Variants in NRXN2 observed in about 807,000 individuals in gnomAD.
NRXN2 encodes the protein neurexin 2, also known as neurexin-2-beta.
In NRXN2, 29 loss-of-function variants were observed where a neutral mutation model predicts 128.8. The observed-to-expected ratio is 0.23, with a 90% CI of 0.17 to 0.31. The LOEUF (loss-of-function observed/expected upper bound fraction) is 0.31, where lower values mean the gene tolerates loss of function less well. Ranked by LOEUF, NRXN2 falls within the 10% of genes least tolerant of loss-of-function variation. NRXN2 has a pLI of 1.00. For missense variants in NRXN2, 1,881 were observed against 2,452.6 expected, an observed-to-expected ratio of 0.77 and a Z score of 4.92; for synonymous variants, 1,098 against 1,075.2, an observed-to-expected ratio of 1.02 and a Z score of -0.41.
chr11:64,715,135 TGAAA>T (rs1202070485), intron 1 of NRXN2, among the ~76,000 whole-genome samples: 1 of 151,940 alleles, frequency 6.6e-6, no homozygotes, highest in African/African-American at 2.4e-5. Context: ...TGGGGAGAAA[TGAAA>T]GAAAAGACAG....
intron 11 of NRXN2, among the ~76,000 whole-genome samples, chr11:64,655,655 T>TG (rs757524245): frequency 2.0e-5 from 3 of 151,968 alleles, no homozygotes; most frequent in Admixed American, 6.6e-5. Flanking sequence ...GCACCAGGAA[T>TG]GGGGGGTCCA....
chr11:64,629,882 G>A (rs1057213755), intron 19 of NRXN2, among the ~76,000 whole-genome samples: 3 of 151,992 alleles, frequency 2.0e-5, no homozygotes, highest in East Asian at 1.9e-4. Context: ...CTCTTCCTTC[G>A]TTAGATCTCC....
intron 22 of NRXN2, among the ~76,000 whole-genome samples, chr11:64,610,014 C>T (rs1565168096): frequency 6.6e-6 from 1 of 152,108 alleles, no homozygotes; most frequent in South Asian, 2.1e-4. Flanking sequence ...CACCCACCCA[C>T]AGCCCTCTGC....
intron 20 of NRXN2, among the ~76,000 whole-genome samples, chr11:64,624,173 C>T (rs560042800): frequency 8.3e-4 from 127 of 152,194 alleles, no homozygotes; most frequent in African/African-American, 3.0e-3. Flanking sequence ...GTTAGTGCCT[C>T]GTTAAAGATC....
At chr11:64,718,992 C>T (rs2057368680) in intron 1 of NRXN2, among the ~76,000 whole-genome samples, 1 of 152,150 alleles carries the variant, frequency 6.6e-6, no homozygotes, top group South Asian at 2.1e-4. Context: ...GTTACTCAGC[C>T]TCTCTGTGCT....
rs776546326 is a variant in NRXN2, at chr11:64,622,719, C to G, written c.4173+34G>C. 9 of 1,593,986 alleles carry G rather than the reference C, an allele frequency of 5.6e-6. No individual in the cohort carries two copies. The Admixed American group carries it at 1.3e-4, about 24-fold the overall frequency. On this transcript the variant is annotated intron_variant, in intron 21 of 22. Transcript: ENST00000265459. This position sits in a 1 kb window ranked among gnomAD's most constrained non-coding sequence, Gnocchi z 4.3. ...ATATCAACCCCATCCCCACCTATCC[C>G]TGCCCTAATCCACCAGCCAGAGTGG...
chr11:64,706,560 T>A (rs191322365), intron 2 of NRXN2, among the ~76,000 whole-genome samples: 16 of 152,262 alleles, frequency 1.1e-4, no homozygotes, highest in Admixed American at 7.2e-4. Flanking sequence ...CAATACACTG[T>A]ACCCAGTTAG....
rs2057133048 is a variant in NRXN2, at chr11:64,713,369, G to A, written c.331C>T (p.Arg111Cys). Residue 111 changes from arginine (R) to cysteine (C), a missense_variant, in exon 2 of 23, where the codon CGC becomes TGC. Coordinates refer to ENST00000265459, the MANE Select transcript of NRXN2 (RefSeq NM_015080.4). The part of the protein sequence containing the change: ...LQLDTPVADD[R>C]WHMVLLTRDA... ...CGGGTCAGCAGCACCATGTGCCAGC[G>A]GTCGTCGGCCACCGGCGTGTCCAGC... 2.1e-6 allele frequency: 3 copies of A among 1,442,006 alleles called. No individual in the cohort carries two copies. Among genetic ancestry groups the A allele is most frequent in the African/African-American group, 3.0e-5 (2 of 67,458 alleles). 89.3% of individuals were successfully genotyped at this position (1,442,006 alleles called of 1,614,324 possible). A position where few individuals can be genotyped will look rare whatever the true frequency, so the allele number is the denominator to read the frequency against.
chr11:64,670,663 C>T (rs1194117334), intron 7 of NRXN2, among the ~76,000 whole-genome samples: 1 of 152,170 alleles, frequency 6.6e-6, no homozygotes. Flanking sequence ...TGTAACCCCA[C>T]TAATCTGAAC....
Position 64,608,062 on chromosome 11 carries a change from TG to T in NRXN2, c.4272del (p.Ile1425LeufsTer7). 1.3e-6 allele frequency: 2 copies of T among 1,584,614 alleles called. No homozygotes were observed. Among genetic ancestry groups the T allele is most frequent in the East Asian group, 2.3e-5 (1 of 44,366 alleles). On this transcript the variant is annotated frameshift_variant, in exon 23 of 23. Transcript: ENST00000265459. LOFTEE classifies it low-confidence loss of function (END_TRUNC). ...GGGTCTAAGGAGTCCTCCGTGATAA[TG>T]GGCAATATTAACTCTCCTCCTAGAA... ...EPSTGGELILPIITEDSLDPP... is the reference protein window; with the variant it reads ...EPSTGGELILXIITEDSLDPP...
chr11:64,697,714 C>A, intron 3 of NRXN2, 61 bp downstream of exon 3: 1 of 1,603,166 alleles, frequency 6.2e-7, no homozygotes, highest in Non-Finnish European at 8.5e-7. Flanking sequence ...ACGACAGTCC[C>A]TCATGTAGGA....
In NRXN2 at chr11:64,635,271, G is replaced by A. The variant is rs148368187; in HGVS notation, c.3585C>T (p.Ile1195=). ...AAGGGTTGGGGCCCAGGGTCCTTAC[G>A]ATGTGCAGCTGCAGGTAGTCTCCAA... ...SGLGDYLQLH[I]DQGTVGVIFN... is the part of the protein sequence containing the mutation. Residue 1195 remains isoleucine, a splice_region_variant and synonymous_variant, in exon 18 of 23, where the codon ATC becomes ATT. Transcript: ENST00000265459. The surrounding 1 kb of genome is among the most constrained non-coding windows in gnomAD (Gnocchi z 4.8). 447 of 1,612,344 alleles carry A rather than the reference G, an allele frequency of 2.8e-4. 3 individuals are homozygous for A. The African/African-American group carries it at 4.9e-3, about 18-fold the overall frequency.
In NRXN2 at chr11:64,612,846, T is replaced by A. The variant is rs372088015; in HGVS notation, c.4253-4764A>T. Among the ~76,000 whole-genome samples the A allele has an allele frequency of 2.0e-3, 312 of 152,382 alleles. 9 individuals are homozygous for A. In the South Asian group the frequency reaches 0.062, roughly 30 times the overall value. On this transcript the variant is annotated intron_variant, in intron 22 of 22. Transcript: ENST00000265459. ...ATGGGGGTTAGAAAACACAGTTCTA[T>A]GCGGACGTGACCCTGTGGTGCATGA...
chr11:64,653,841 A>G (rs2047865643), intron 11 of NRXN2, 119 bp from the exon 12 acceptor site: 1 of 733,312 alleles, frequency 1.4e-6, no homozygotes, highest in African/African-American at 1.8e-5. Flanking sequence ...CCCCAGGGCC[A>G]CTTTCCGGGG....
intron 12 of NRXN2, 42 bp downstream of exon 12, chr11:64,653,654 A>T: frequency 6.3e-7 from 1 of 1,574,934 alleles, no homozygotes; most frequent in East Asian, 2.3e-5. Context: ...CCAGCATCCC[A>T]GTCCCCTTGG....
intron 5 of NRXN2, among the ~76,000 whole-genome samples, chr11:64,686,447 A>G (rs2053061233): frequency 6.6e-6 from 1 of 152,156 alleles, no homozygotes; most frequent in Admixed American, 6.5e-5. Context: ...GCCTGGAGAC[A>G]GTTTCAGCCT....
intron 22 of NRXN2, among the ~76,000 whole-genome samples, chr11:64,609,030 G>A (rs575183828): frequency 6.6e-6 from 1 of 152,232 alleles, no homozygotes; most frequent in African/African-American, 2.4e-5. Flanking sequence ...GGGAGGTGAG[G>A]TGGCCCATGA....
chr11:64,668,729 C>A, intron 7 of NRXN2, 125 bp from the exon 8 acceptor site: 1 of 986,078 alleles, frequency 1.0e-6, no homozygotes, highest in South Asian at 1.3e-5. Flanking sequence ...ATTTTTATGT[C>A]TGCTTGTCTT....
chr11:64,650,371 G>T, intron 15 of NRXN2, 77 bp downstream of exon 15: 4 of 1,469,912 alleles, frequency 2.7e-6, no homozygotes, highest in Non-Finnish European at 2.9e-6. Context: ...AAGCAGCGTC[G>T]CAGGAATGGG....
Sources: gnomAD v4.1 joint callset for allele counts (sites outside exome capture counted in the v4.1 genomes callset) on GRCh38, gnomAD v4.1.1 for gene constraint, Gnocchi (gnomAD v3.1) non-coding constraint, MANE v1.5 for transcripts, NCBI Gene and HGNC (gene_info 2026-07-23, HGNC 2026-07-21) for gene names.